The following PACC1 variants were observed in gnomAD, a reference collection of about 807,000 sequenced individuals.
PACC1 encodes the protein proton-activated chloride channel.
PACC1 carries 34 observed loss-of-function variants against 39.7 expected under a neutral mutation model. The observed-to-expected ratio is 0.86, with a 90% CI of 0.65 to 1.14. PACC1 has a LOEUF of 1.14. PACC1 is among the 50% of genes most tolerant of loss of function. The pLI is 0.00. For synonymous variants in PACC1, 127 were observed against 160.6 expected (o/e 0.79, Z 1.58); for missense variants, 379 against 436.4 (o/e 0.87, Z 1.17).
chr1:212,378,282 C>T (rs954911627), intron 5 of PACC1, among the ~76,000 whole-genome samples: 16 of 152,226 alleles, frequency 1.1e-4, no homozygotes, highest in Non-Finnish European at 2.4e-4. Flanking sequence ...ACCGAGGAAG[C>T]TCACGAAAGG....
chr1:212,398,232 A>T (rs1661591260), intron 2 of PACC1, among the ~76,000 whole-genome samples: 1 of 152,238 alleles, frequency 6.6e-6, no homozygotes, highest in Non-Finnish European at 1.5e-5. Context: ...AAAGATATAC[A>T]TTGAAAATAA....
intron 7 of PACC1, among the ~76,000 whole-genome samples, chr1:212,374,049 G>GAA (rs199738815): frequency 1.1e-5 from 1 of 89,992 alleles, no homozygotes; most frequent in Non-Finnish European, 2.6e-5. Flanking sequence ...AAAAAGAAAA[G>GAA]AAAAAAAAAA....
At chr1:212,374,849 T>A (rs563717332) in intron 7 of PACC1, among the ~76,000 whole-genome samples, 4 of 152,312 alleles carry the variant, frequency 2.6e-5, no homozygotes, top group African/African-American at 9.6e-5. Context: ...ACTCAATTTA[T>A]TCAACGAACA....
chr1:212,376,928 T>C (rs566555119), intron 6 of PACC1: 4 of 152,362 alleles, frequency 2.6e-5, no homozygotes, highest in African/African-American at 9.6e-5. Context: ...ACTATTTATT[T>C]TTATCTCATC....
intron 5 of PACC1, among the ~76,000 whole-genome samples, chr1:212,379,234 C>T (rs1040291567): frequency 2.0e-5 from 3 of 152,212 alleles, no homozygotes; most frequent in African/African-American, 7.2e-5. Flanking sequence ...TGAGCCACCA[C>T]ACCTGGCCAT....
intron 1 of PACC1, chr1:212,414,201 T>C: frequency 8.9e-7 from 1 of 1,129,920 alleles, no homozygotes; most frequent in Non-Finnish European, 1.2e-6. Flanking sequence ...AGGCACTTTT[T>C]CAAAGTTAGG....
chr1:212,366,067 G>C (rs1660232438), intron 7 of PACC1, among the ~76,000 whole-genome samples: 1 of 152,036 alleles, frequency 6.6e-6, no homozygotes, highest in African/African-American at 2.4e-5. Flanking sequence ...TCCTGTCTAG[G>C]TTTACTCATC....
At chr1:212,412,922 T>C (rs983678623) in intron 1 of PACC1, among the ~76,000 whole-genome samples, 4 of 152,230 alleles carry the variant, frequency 2.6e-5, no homozygotes, top group Admixed American at 6.5e-5. Context: ...TAGGGACTTT[T>C]ATTATCTTCA....
intron 2 of PACC1, among the ~76,000 whole-genome samples, chr1:212,404,722 A>T (rs576833317): frequency 6.6e-4 from 96 of 145,452 alleles, no homozygotes; most frequent in African/African-American, 2.4e-3. Context: ...TTTTTTTTCC[A>T]AGTAGCTGGG....
chr1:212,401,245 A>G (rs935067036), intron 2 of PACC1, among the ~76,000 whole-genome samples: 1 of 152,058 alleles, frequency 6.6e-6, no homozygotes, highest in Non-Finnish European at 1.5e-5. Context: ...CCACTAATCT[A>G]ATTTCTGTCC....
intron 4 of PACC1, among the ~76,000 whole-genome samples, 169 bp downstream of exon 4, chr1:212,385,105 C>T (rs1312394709): frequency 1.3e-5 from 2 of 152,232 alleles, no homozygotes; most frequent in Admixed American, 1.3e-4. Context: ...TGCAAGTGAG[C>T]CAACCACAGC....
At chr1:212,401,086 C>T (rs773531368) in intron 2 of PACC1, among the ~76,000 whole-genome samples, 7 of 152,096 alleles carry the variant, frequency 4.6e-5, no homozygotes, top group African/African-American at 9.7e-5. Context: ...AATTTACATA[C>T]CATACAATTT....
intron 2 of PACC1, among the ~76,000 whole-genome samples, chr1:212,408,744 C>A (rs1271070102): frequency 6.6e-6 from 1 of 152,230 alleles, no homozygotes; most frequent in Non-Finnish European, 1.5e-5. Flanking sequence ...CAGATGGGAT[C>A]CATCCAAGAA....
Position 212,386,811 on chromosome 1 carries a change from A to C in PACC1, c.343+80T>G. On this transcript the variant is annotated intron_variant, in intron 3 of 7. Transcript: ENST00000261455. This position sits in a 1 kb window ranked among gnomAD's most constrained non-coding sequence, Gnocchi z 5.0. ...CTGCCCTGCCCGTAGTACCACAAAT[A>C]CAACGGCAGCTCAGGGAGTATCTGC... is the stretch of plus-strand genomic sequence containing the variant. 1 of 1,417,412 alleles carries C rather than the reference A, an allele frequency of 7.1e-7. No homozygotes were observed. The highest frequency in any genetic ancestry group is 1.7e-5 in the Admixed American group (1 of 59,046). The allele number at this position is 1,417,412 out of a possible 1,614,324, so 87.8% of individuals were successfully genotyped here.
chr1:212,403,326 C>A (rs1357429748), intron 2 of PACC1, among the ~76,000 whole-genome samples: 2 of 152,184 alleles, frequency 1.3e-5, no homozygotes, highest in Non-Finnish European at 2.9e-5. Context: ...TACCTCCAGG[C>A]CCTCCATTCA....
intron 2 of PACC1, among the ~76,000 whole-genome samples, chr1:212,397,528 C>T (rs1661570194): frequency 1.3e-5 from 2 of 152,190 alleles, no homozygotes; most frequent in African/African-American, 4.8e-5. Context: ...CTATCAAAGT[C>T]TCCTGGGTTG....
At chr1:212,413,112 T>A (rs1662195662) in intron 1 of PACC1, among the ~76,000 whole-genome samples, 1 of 152,180 alleles carries the variant, frequency 6.6e-6, no homozygotes, top group African/African-American at 2.4e-5. Context: ...CCCCACTGTT[T>A]AGGGTACAGA....
intron 2 of PACC1, among the ~76,000 whole-genome samples, chr1:212,390,920 G>A (rs528035505): frequency 1.3e-5 from 2 of 152,362 alleles, no homozygotes; most frequent in African/African-American, 4.8e-5. Flanking sequence ...GCTGAGGCTT[G>A]AGTAGGTAAA....
chr1:212,377,822 C>T (rs2102481315), intron 5 of PACC1, 116 bp from the exon 6 acceptor site: 1 of 1,184,862 alleles, frequency 8.4e-7, no homozygotes, highest in East Asian at 2.4e-5. Context: ...TGCCCACTCC[C>T]TGCCTCCTCT....
Sources: allele counts gnomAD v4.1 joint callset (sites outside exome capture counted in the v4.1 genomes callset), GRCh38; gene constraint gnomAD v4.1.1; non-coding constraint Gnocchi (gnomAD v3.1); transcripts MANE v1.5; gene names NCBI Gene and HGNC (gene_info 2026-07-23, HGNC 2026-07-21).